Variants in FMNL2 observed in about 807,000 individuals in gnomAD.
FMNL2 encodes formin like 2.
In FMNL2, 51 loss-of-function variants were observed where a neutral mutation model predicts 130.2. The observed-to-expected ratio is 0.39, with a 90% confidence interval of 0.31 to 0.49. The LOEUF (loss-of-function observed/expected upper bound fraction) is 0.49. FMNL2 is among the 20% of genes least tolerant of loss of function. The probability of loss-of-function intolerance (pLI) is 0.85; values close to 1 mark genes in which losing one functional copy is unlikely to be tolerated. For missense variants in FMNL2, 977 were observed against 1,316.2 expected (o/e 0.74, Z 3.99); for synonymous variants, 465 against 467.1 (o/e 1.00, Z 0.06).
chr2:152,639,844 TTCC>T, intron 23 of FMNL2, 111 bp from the exon 24 acceptor site: 1 of 766,602 alleles, frequency 1.3e-6, no homozygotes, highest in Non-Finnish European at 1.9e-6. Flanking sequence ...CTTCTCAACC[TTCC>T]ATTTATTGTA....
chr2:152,584,571 T>C (rs1696964499), intron 9 of FMNL2, among the ~76,000 whole-genome samples: 1 of 152,226 alleles, frequency 6.6e-6, no homozygotes, highest in Non-Finnish European at 1.5e-5. Context: ...CCAAGCGTAC[T>C]AACGCAATAT....
At chr2:152,477,566 A>G (rs1189566971) in intron 1 of FMNL2, among the ~76,000 whole-genome samples, 6 of 152,162 alleles carry the variant, frequency 3.9e-5, no homozygotes, top group Admixed American at 1.3e-4. Flanking sequence ...TAAGGAGCAA[A>G]CAAGACAGGA....
chr2:152,536,117 C>T (rs903233021), intron 2 of FMNL2, among the ~76,000 whole-genome samples: 1 of 152,246 alleles, frequency 6.6e-6, no homozygotes, highest in Non-Finnish European at 1.5e-5. Context: ...TTTAGGGATG[C>T]TGATTGGTCT....
intron 25 of FMNL2, among the ~76,000 whole-genome samples, chr2:152,646,942 C>T (rs1683638906): frequency 6.6e-6 from 1 of 152,208 alleles, no homozygotes; most frequent in Non-Finnish European, 1.5e-5. Context: ...AATTCCTCTG[C>T]TCCTCCCACT....
At chr2:152,400,431 G>A (rs1240250979) in intron 1 of FMNL2, among the ~76,000 whole-genome samples, 2 of 149,454 alleles carry the variant, frequency 1.3e-5, no homozygotes, top group African/African-American at 5.0e-5. Flanking sequence ...AGCCAGACTC[G>A]GTCTCAAAAA....
chr2:152,574,039 CAG>C (rs147297290), intron 6 of FMNL2, among the ~76,000 whole-genome samples: 2,839 of 152,180 alleles, frequency 0.019, 98 homozygotes, highest in African/African-American at 0.064. Flanking sequence ...AAAATAATGA[CAG>C]GGACATTTTA....
In FMNL2 at chr2:152,394,841, G is replaced by T. The variant is rs1169661080; in HGVS notation, c.117+59121G>T. 2.0e-5 allele frequency among the ~76,000 whole-genome samples: 3 copies of T among 151,588 alleles called. No individual in the cohort carries two copies. The East Asian group carries it at 5.8e-4, about 29-fold the overall frequency. The stretch of plus-strand genomic sequence containing the variant: ...ACGATCTTTTATTTCTAGTCTTTTA[G>T]GTTGTTGGAGTGACCTAAAATGTAA... On this transcript the variant is annotated intron_variant, in intron 1 of 25. Transcript: ENST00000288670.
chr2:152,482,229 T>G (rs929222609), intron 1 of FMNL2, among the ~76,000 whole-genome samples: 2 of 152,334 alleles, frequency 1.3e-5, no homozygotes, highest in Non-Finnish European at 2.9e-5. Flanking sequence ...TAAAAAATAC[T>G]TAAGTCTACT....
chr2:152,626,504 G>A (rs1681794783), intron 16 of FMNL2, 21 bp from the exon 17 acceptor site: 1 of 1,568,382 alleles, frequency 6.4e-7, no homozygotes, highest in African/African-American at 1.4e-5. Context: ...AATTTTCCAT[G>A]GTCATTCCTC....
intron 1 of FMNL2, among the ~76,000 whole-genome samples, chr2:152,371,728 T>A (rs1446291396): frequency 1.3e-5 from 2 of 149,324 alleles, no homozygotes; most frequent in African/African-American, 5.0e-5. Context: ...TATTGATAAG[T>A]GGGGTCCTGA....
At chr2:152,464,857 T>C (rs577203655) in intron 1 of FMNL2, among the ~76,000 whole-genome samples, 1 of 152,252 alleles carries the variant, frequency 6.6e-6, no homozygotes, top group East Asian at 1.9e-4. Flanking sequence ...AGTGGAGGGT[T>C]CTGTGGGGGA....
intron 25 of FMNL2, chr2:152,643,779 C>T (rs1683304371): frequency 1.0e-6 from 1 of 985,268 alleles, no homozygotes; most frequent in Non-Finnish European, 1.2e-6. Context: ...TAGAATTGTT[C>T]ACAGAAATTT....
chr2:152,428,508 T>A (rs78394891), intron 1 of FMNL2, among the ~76,000 whole-genome samples: 10,019 of 152,300 alleles, frequency 0.066, 595 homozygotes, highest in Admixed American at 0.2. Context: ...AGTTTCTTGA[T>A]GTCTTCTAGG....
At chr2:152,645,509 T>A in intron 25 of FMNL2, 1 of 1,290,092 alleles carries the variant, frequency 7.8e-7, no homozygotes, top group East Asian at 5.5e-5. Flanking sequence ...ACACCGGTGG[T>A]GGAGGATACA....
At chr2:152,437,274 A>G (rs911498679) in intron 1 of FMNL2, among the ~76,000 whole-genome samples, 4 of 152,186 alleles carry the variant, frequency 2.6e-5, no homozygotes, top group African/African-American at 9.7e-5. Flanking sequence ...TGATATGGAT[A>G]CTGTGGAGCT....
intron 9 of FMNL2, among the ~76,000 whole-genome samples, chr2:152,586,248 G>A (rs144448586): frequency 6.6e-6 from 1 of 152,282 alleles, no homozygotes; most frequent in East Asian, 1.9e-4. Context: ...GTCACTCGAG[G>A]CCACCAGCAC....
intron 15 of FMNL2, chr2:152,621,010 A>G: frequency 1.0e-6 from 1 of 985,414 alleles, no homozygotes. Context: ...GTCATCGTGG[A>G]ACTGATGGAC....
At chr2:152,524,222 T>A (rs961843819) in intron 2 of FMNL2, among the ~76,000 whole-genome samples, 14 of 152,196 alleles carry the variant, frequency 9.2e-5, no homozygotes, top group Non-Finnish European at 1.9e-4. Flanking sequence ...AGAGAATAAA[T>A]TCCAGAAATT....
At chr2:152,549,180 T>C in intron 4 of FMNL2, 83 bp downstream of exon 4, 1 of 917,612 alleles carries the variant, frequency 1.1e-6, no homozygotes, top group Non-Finnish European at 1.6e-6. Flanking sequence ...AGAATTGAGC[T>C]TCCTTATGGG....
Sources: allele counts gnomAD v4.1 joint callset (sites outside exome capture counted in the v4.1 genomes callset), GRCh38; gene constraint gnomAD v4.1.1; transcripts MANE v1.5; gene names NCBI Gene and HGNC (gene_info 2026-07-23, HGNC 2026-07-21).